ADAM9: variants seen among roughly 807,000 people sequenced by gnomAD.
ADAM9 encodes disintegrin and metalloproteinase domain-containing protein 9.
Under a neutral mutation model 108.1 loss-of-function variants are expected in ADAM9, and 54 were observed. That is an observed-to-expected ratio of 0.50 (90% confidence interval 0.40 to 0.63). The LOEUF is 0.63. ADAM9 is among the 20% of genes least tolerant of loss of function. The pLI, the probability that ADAM9 is intolerant of heterozygous loss-of-function variation, is 0.00. For missense variants in ADAM9, 830 were observed against 997.7 expected (o/e 0.83, Z 2.26); for synonymous variants, 316 against 336.0 (o/e 0.94, Z 0.65).
chr8:39,037,150 G>A (rs565963855), intron 11 of ADAM9, among the ~76,000 whole-genome samples: 327 of 145,508 alleles, frequency 2.2e-3, no homozygotes, highest in African/African-American at 8.1e-3. Context: ...TCTGCCTCCC[G>A]GGTTCACGCC....
At chr8:39,067,324 T>C (rs901058129) in intron 14 of ADAM9, among the ~76,000 whole-genome samples, 25 of 152,366 alleles carry the variant, frequency 1.6e-4, no homozygotes, top group African/African-American at 5.8e-4. Flanking sequence ...TGGCATTGAA[T>C]GTATAAATTA....
Position 39,021,821 on chromosome 8 carries a change from A to G in ADAM9, c.744+107A>G, listed in dbSNP as rs182848550. 271 of 959,512 alleles carry G rather than the reference A, an allele frequency of 2.8e-4. 1 individual carries two copies. In the African/African-American group the frequency reaches 3.7e-3, roughly 13 times the overall value. 59.4% of individuals were successfully genotyped at this position (959,512 alleles called of 1,614,324 possible). A position where few individuals can be genotyped will look rare whatever the true frequency, so the allele number is the denominator to read the frequency against. Reference sequence around the variant, plus strand: ...GAGTTCTGATTTTCATAGGGCCTCAATGACTTAGTCTTTCAGAGGTCTGCT... The same window carrying G: ...GAGTTCTGATTTTCATAGGGCCTCAGTGACTTAGTCTTTCAGAGGTCTGCT... On this transcript the variant is annotated intron_variant, in intron 8 of 21. Coordinates refer to ENST00000487273, the MANE Select transcript of ADAM9 (RefSeq NM_003816.3).
At chr8:38,998,318 G>A (rs1005231855) in intron 1 of ADAM9, among the ~76,000 whole-genome samples, 1 of 152,158 alleles carries the variant, frequency 6.6e-6, no homozygotes. Flanking sequence ...CTACTTTTCC[G>A]GTGGTATTCT....
At chr8:39,090,460 G>C (rs868489780) in intron 19 of ADAM9, among the ~76,000 whole-genome samples, 6 of 152,142 alleles carry the variant, frequency 3.9e-5, no homozygotes, top group Admixed American at 1.3e-4. Context: ...GAGCCTCCAC[G>C]CTCAGCCTAT....
At chr8:39,086,343 A>T (rs1564370739) in intron 18 of ADAM9, among the ~76,000 whole-genome samples, 1 of 151,802 alleles carries the variant, frequency 6.6e-6, no homozygotes, top group Non-Finnish European at 1.5e-5. Context: ...ATTATTCCTT[A>T]TTCTCCATGT....
At chr8:39,003,330 G>A (rs570165829) in intron 1 of ADAM9, among the ~76,000 whole-genome samples, 1 of 152,248 alleles carries the variant, frequency 6.6e-6, no homozygotes, top group African/African-American at 2.4e-5. Context: ...CATCTAGTGG[G>A]TGGAGGCCAG....
chr8:39,059,727 C>T (rs1399894798), intron 14 of ADAM9, among the ~76,000 whole-genome samples: 1 of 152,252 alleles, frequency 6.6e-6, no homozygotes, highest in African/African-American at 2.4e-5. Context: ...ACCAGGTGCA[C>T]TTCAGGGATG....
rs550020555 is a variant in ADAM9, at chr8:39,089,256, A to G, written c.2069-791A>G. ...GGTGAGACTCCATCTCGGGAAAAGA[A>G]AAGAAAAAAAAATTATCAACTCATA... On this transcript the variant is annotated intron_variant, in intron 18 of 21. Coordinates refer to ENST00000487273, the MANE Select transcript of ADAM9 (RefSeq NM_003816.3). Among the ~76,000 whole-genome samples, 6 of 152,322 alleles carry G rather than the reference A, an allele frequency of 3.9e-5. No individual in the cohort carries two copies. The South Asian group carries it at 1.2e-3, about 32-fold the overall frequency.
At chr8:39,045,618 A>G (rs1837744369) in intron 12 of ADAM9, among the ~76,000 whole-genome samples, 1 of 151,306 alleles carries the variant, frequency 6.6e-6, no homozygotes, top group Admixed American at 6.6e-5. Context: ...TCGACTGTTG[A>G]TGGACACTTA....
chr8:38,997,284 C>A, intron 1 of ADAM9, 124 bp downstream of exon 1: 1 of 1,152,418 alleles, frequency 8.7e-7, no homozygotes, highest in Non-Finnish European at 1.2e-6. Flanking sequence ...GGTCGGGGGG[C>A]GCGGCCGCTC....
Position 39,075,149 on chromosome 8 carries a change from C to T in ADAM9, c.1698-2079C>T, listed in dbSNP as rs539493573. On this transcript the variant is annotated intron_variant, in intron 15 of 21. Coordinates refer to ENST00000487273, the MANE Select transcript of ADAM9 (RefSeq NM_003816.3). The stretch of plus-strand genomic sequence containing the variant: ...CTCAAATTCCTGACCTCAAATGATC[C>T]GCTTACCTTAGCCTCCCAAAGTGCT... 4.6e-5 allele frequency among the ~76,000 whole-genome samples: 7 copies of T among 152,152 alleles called. 1 individual carries two copies. The highest frequency in any genetic ancestry group is 1.7e-4 in the African/African-American group (7 of 41,514).
Position 39,054,550 on chromosome 8 carries a change from G to A in ADAM9, c.1372G>A (p.Gly458Ser). The A allele has an allele frequency of 1.2e-6, 2 of 1,609,898 alleles. No individual in the cohort carries two copies. Among genetic ancestry groups the A allele is most frequent in the Non-Finnish European group, 1.7e-6 (2 of 1,178,194 alleles). ...TAAATCATTTGCTGAGTGTGCATAT[G>A]GTGACTGTTGTAAAGACTGTCGGGT... is the stretch of plus-strand genomic sequence containing the variant. ...KLKSFAECAY[G>S]DCCKDCRFLP... Residue 458 changes from glycine to serine, a missense_variant, in exon 13 of 22, where the codon GGT (glycine) becomes AGT (serine). Gly to Ser is a moderately conservative substitution (Grantham distance 56). Around this residue, in one of 3 missense-constraint regions of ADAM9, gnomAD observed 381 missense variants for 539.8 expected, o/e 0.71. Transcript: ENST00000487273.
chr8:39,011,391 C>A lies in ADAM9; in HGVS notation c.196-267C>A, dbSNP rs115076687. ...GATGGACTTGAGAAGATAATCCCTG[C>A]AGTTATAGCTGAATTAGAAATGAAT... On this transcript the variant is annotated intron_variant, in intron 2 of 21. Transcript: ENST00000487273. 3.1e-3 allele frequency among the ~76,000 whole-genome samples: 475 copies of A among 152,164 alleles called. 2 individuals are homozygous for A. Among genetic ancestry groups the A allele is most frequent in the African/African-American group, 0.01 (424 of 41,504 alleles).
chr8:39,085,619 T>C (rs1051594084), intron 18 of ADAM9, among the ~76,000 whole-genome samples: 1 of 152,196 alleles, frequency 6.6e-6, no homozygotes, highest in Non-Finnish European at 1.5e-5. Flanking sequence ...GTGATAGTTT[T>C]CCTCCCGTTT....
At chr8:39,018,034 T>C (rs1003691392) in intron 6 of ADAM9, among the ~76,000 whole-genome samples, 1 of 152,190 alleles carries the variant, frequency 6.6e-6, no homozygotes, top group Admixed American at 6.5e-5. Flanking sequence ...TGACTTTAAG[T>C]GATGATAAAC....
chr8:39,071,551 C>T (rs1001663779), intron 15 of ADAM9, 148 bp downstream of exon 15: 83 of 684,840 alleles, frequency 1.2e-4, no homozygotes, highest in Non-Finnish European at 1.7e-4. Context: ...GCTGCACCCT[C>T]CGCCTCCCAG....
At chr8:39,059,290 T>G (rs1049623484) in intron 14 of ADAM9, among the ~76,000 whole-genome samples, 1 of 152,244 alleles carries the variant, frequency 6.6e-6, no homozygotes, top group African/African-American at 2.4e-5. Context: ...AAGCACTGCT[T>G]CTTTCATCAT....
intron 12 of ADAM9, among the ~76,000 whole-genome samples, chr8:39,043,211 C>A (rs533682190): frequency 6.6e-6 from 1 of 152,126 alleles, no homozygotes; most frequent in Non-Finnish European, 1.5e-5. Flanking sequence ...TACATCTTGG[C>A]TACTGTGAAT....
At chr8:39,073,701 G>A (rs1433890333) in intron 15 of ADAM9, among the ~76,000 whole-genome samples, 3 of 152,104 alleles carry the variant, frequency 2.0e-5, no homozygotes, top group African/African-American at 7.2e-5. Context: ...TGCAGACTTG[G>A]AAAGAATTTG....
Sources: allele counts gnomAD v4.1 joint callset (sites outside exome capture counted in the v4.1 genomes callset), GRCh38; gene constraint gnomAD v4.1.1; regional missense constraint gnomAD v4.1.1; transcripts MANE v1.5; gene names NCBI Gene and HGNC (gene_info 2026-07-23, HGNC 2026-07-21).